GEMIN8: variants seen among roughly 807,000 people sequenced by gnomAD.
The protein encoded by GEMIN8 is gem-associated protein 8.
For missense variants in GEMIN8, 185 were observed against 205.9 expected (o/e 0.90, Z 0.62); for synonymous variants, 80 against 78.5 (o/e 1.02, Z -0.10).
downstream of GEMIN8, among the ~76,000 whole-genome samples, chrX:14,004,280 T>C (rs1157129910): frequency 1.8e-5 from 2 of 112,316 alleles, no homozygotes; most frequent in Admixed American, 9.4e-5. Flanking sequence ...ATGCCATCAT[T>C]GAACACTCCA....
chrX:14,025,401 A>G (rs1264851142), intron 2 of GEMIN8, among the ~76,000 whole-genome samples: 1 of 111,132 alleles, frequency 9.0e-6, no homozygotes, highest in Non-Finnish European at 1.9e-5. Context: ...AGCTTCCTGA[A>G]GTACAAAAAA....
intron 4 of GEMIN8, among the ~76,000 whole-genome samples, chrX:14,012,950 C>T (rs1453534015): frequency 9.0e-6 from 1 of 111,523 alleles, no homozygotes; most frequent in Non-Finnish European, 1.9e-5. Context: ...TTAAAAAGTC[C>T]TAAGGCTAGG....
the GEMIN8 span, chrX:13,988,795 T>C: frequency 3.1e-5 from 3 of 98,319 alleles, no homozygotes; most frequent in Non-Finnish European, 4.1e-5. Flanking sequence ...GACTAGAGTA[T>C]CATTCCATGT....
chrX:13,989,900 T>C, the GEMIN8 span, among the ~76,000 whole-genome samples: 2 of 112,379 alleles, frequency 1.8e-5, no homozygotes, highest in Non-Finnish European at 3.8e-5. Context: ...CCTTTTCCCC[T>C]TTGAAAACAT....
At chrX:13,992,843 T>G in the GEMIN8 span, among the ~76,000 whole-genome samples, 2 of 111,199 alleles carry the variant, frequency 1.8e-5, no homozygotes, top group African/African-American at 6.5e-5. Flanking sequence ...TAGAATAGAT[T>G]GTAGGAGGGC....
chrX:13,999,773 G>A, the GEMIN8 span, among the ~76,000 whole-genome samples: 26 of 111,442 alleles, frequency 2.3e-4, no homozygotes, highest in Middle Eastern at 4.6e-3. Context: ...GGGCTTATCT[G>A]ATATTTTTCT....
At chrX:14,002,154 A>G (rs1405369114), downstream of GEMIN8, among the ~76,000 whole-genome samples, 2 of 105,319 alleles carry the variant, frequency 1.9e-5, no homozygotes, top group African/African-American at 6.9e-5. Context: ...CTTCCATCCT[A>G]TGAAATTTCT....
In GEMIN8 at chrX:14,021,470, C is replaced by T. The variant is rs190269592; in HGVS notation, c.9G>A (p.Ala3=). The T allele has an allele frequency of 8.1e-6, 9 of 1,116,397 alleles. No individual in the cohort carries two copies. Among genetic ancestry groups the T allele is most frequent in the Admixed American group, 4.5e-5 (2 of 44,939 alleles). 92.0% of individuals were successfully genotyped at this position (1,116,397 alleles called of 1,213,427 possible). The change falls in exon 3 of 5, where the codon GCG becomes GCA. Residue 3 remains alanine, a synonymous_variant. Coordinates refer to ENST00000680255, the MANE Select transcript of GEMIN8 (RefSeq NM_001042479.2). ...AAAAAAATAAAAATCTTACCTTTAC[C>T]GCTGCCATCTCTGATTGTGAAAGTC... MA[A]VKASTSKATR...
intron 4 of GEMIN8, among the ~76,000 whole-genome samples, chrX:14,009,882 C>G (rs1456911011): frequency 1.8e-5 from 2 of 112,149 alleles, no homozygotes; most frequent in African/African-American, 6.5e-5. Flanking sequence ...TGGAAAAGAA[C>G]AAGTGCTAGC....
Position 14,026,122 on chromosome X carries a change from C to A in GEMIN8, c.-34+18G>T. ...CTTTGGTCTTTAATGGTCTTTAATT[C>A]GATCTTTCATTCCTCACCTCCCTGG... On this transcript the variant is annotated intron_variant, in intron 2 of 4. Transcript: ENST00000680255. 1.3e-6 allele frequency: 1 copy of A among 745,409 alleles called. No individual in the cohort carries two copies. The highest frequency in any genetic ancestry group is 1.6e-6 in the Non-Finnish European group (1 of 630,852). The allele number at this position is 745,409 out of a possible 1,213,427, so 61.4% of individuals were successfully genotyped here.
chrX:13,994,593 G>GAA, the GEMIN8 span, among the ~76,000 whole-genome samples: 1 of 112,160 alleles, frequency 8.9e-6, no homozygotes, highest in African/African-American at 3.2e-5. Flanking sequence ...TGTTTGTGGT[G>GAA]AAAGAACAGT....
the GEMIN8 span, among the ~76,000 whole-genome samples, chrX:13,986,413 G>T: frequency 8.9e-6 from 1 of 112,324 alleles, no homozygotes; most frequent in African/African-American, 3.2e-5. Context: ...TCAAAGTCAG[G>T]GTGGGGCAGT....
intron 4 of GEMIN8, among the ~76,000 whole-genome samples, chrX:14,010,789 C>T (rs1025050170): frequency 1.8e-5 from 2 of 111,980 alleles, no homozygotes; most frequent in East Asian, 2.8e-4. Context: ...GCTACCTCAC[C>T]CATGGAAAAA....
At chrX:13,995,345 G>C in the GEMIN8 span, among the ~76,000 whole-genome samples, 1 of 111,808 alleles carries the variant, frequency 8.9e-6, no homozygotes, top group African/African-American at 3.3e-5. Context: ...ATGAGAAATT[G>C]ACTCCCAGTG....
At chrX:14,004,996 C>A (rs191855758), downstream of GEMIN8, among the ~76,000 whole-genome samples, 2 of 111,681 alleles carry the variant, frequency 1.8e-5, no homozygotes, top group Admixed American at 1.9e-4. Flanking sequence ...GGTCTGCCTG[C>A]CCCCCATTGT....
At chrX:13,994,475 T>C in the GEMIN8 span, among the ~76,000 whole-genome samples, 4 of 112,605 alleles carry the variant, frequency 3.6e-5, no homozygotes, top group African/African-American at 9.7e-5. Flanking sequence ...TACTCAGTTT[T>C]GTTACTTTAA....
At chrX:13,995,627 G>A in the GEMIN8 span, among the ~76,000 whole-genome samples, 22 of 111,041 alleles carry the variant, frequency 2.0e-4, no homozygotes, top group African/African-American at 6.6e-4. Flanking sequence ...GGGAGAATCC[G>A]TTTTCTTGAT....
At chrX:14,026,431 T>C in intron 1 of GEMIN8, 1 of 741,661 alleles carries the variant, frequency 1.3e-6, no homozygotes, top group African/African-American at 2.3e-5. Flanking sequence ...TGACGAGGCC[T>C]ATAGGCAAGG....
the GEMIN8 span, among the ~76,000 whole-genome samples, chrX:13,989,833 C>T: frequency 3.5e-5 from 4 of 112,764 alleles, no homozygotes; most frequent in African/African-American, 1.3e-4. Context: ...GAGAGTCAGG[C>T]TTCACACATA....
Sources: gnomAD v4.1 joint callset for allele counts (sites outside exome capture counted in the v4.1 genomes callset) on GRCh38, gnomAD v4.1.1 for gene constraint, MANE v1.5 for transcripts, NCBI Gene and HGNC (gene_info 2026-07-23, HGNC 2026-07-21) for gene names.